The following MET variants were observed in gnomAD, a reference collection of about 807,000 sequenced individuals.
MET encodes hepatocyte growth factor receptor.
MET carries 48 observed loss-of-function variants against 133.1 expected under a neutral mutation model. That is an observed-to-expected ratio of 0.36 (90% CI 0.29 to 0.46). The LOEUF is 0.46. MET is among the 20% of genes least tolerant of loss of function. The pLI is 1.00. For missense variants in MET, 1,442 were observed against 1,695.9 expected (o/e 0.85, Z 2.63); for synonymous variants, 628 against 616.5 (o/e 1.02, Z -0.28).
intron 2 of MET, among the ~76,000 whole-genome samples, chr7:116,728,486 A>C (rs1196622812): frequency 2.0e-5 from 3 of 152,206 alleles, no homozygotes; most frequent in African/African-American, 7.2e-5. Context: ...ACAGAGGCTA[A>C]AGTTCTGGTT....
intron 1 of MET, among the ~76,000 whole-genome samples, chr7:116,686,398 C>G (rs1185569741): frequency 6.6e-6 from 1 of 152,186 alleles, no homozygotes; most frequent in Admixed American, 6.5e-5. Context: ...GAGCTACAAA[C>G]CTATCCCCAT....
chr7:116,692,973 A>G (rs970338725), intron 1 of MET, among the ~76,000 whole-genome samples: 10 of 152,224 alleles, frequency 6.6e-5, no homozygotes, highest in Admixed American at 6.5e-4. Flanking sequence ...AAGACAGTCT[A>G]TATTGAAAGC....
chr7:116,733,580 T>C (rs1484887472), intron 3 of MET, among the ~76,000 whole-genome samples: 1 of 152,210 alleles, frequency 6.6e-6, no homozygotes, highest in Non-Finnish European at 1.5e-5. Flanking sequence ...ATCAGTCTCA[T>C]TATAGAAACG....
chr7:116,738,661 G>T (rs1448783324), intron 3 of MET, among the ~76,000 whole-genome samples: 1 of 152,128 alleles, frequency 6.6e-6, no homozygotes, highest in African/African-American at 2.4e-5. Context: ...TGTGAGCTTG[G>T]TTAGTTTCTC....
chr7:116,756,474 A>G (rs1794180875), intron 6 of MET, among the ~76,000 whole-genome samples: 2 of 152,172 alleles, frequency 1.3e-5, no homozygotes, highest in Admixed American at 1.3e-4. Context: ...CTGAATGGCA[A>G]AACAAATTTT....
chr7:116,710,847 T>C (rs1311605781), intron 2 of MET, among the ~76,000 whole-genome samples: 2 of 152,228 alleles, frequency 1.3e-5, no homozygotes, highest in East Asian at 1.9e-4. Context: ...GATTATGAAA[T>C]ATTTGGAAAG....
At chr7:116,763,346 T>C in intron 11 of MET, 78 bp downstream of exon 11, 1 of 1,298,646 alleles carries the variant, frequency 7.7e-7, no homozygotes. Context: ...ATACAATTGT[T>C]GTACTTGGCC....
At position 116,672,518 on chromosome 7, in the gene MET, C is replaced by G; in HGVS notation, c.-74C>G. 1 of 397,730 alleles carries G rather than the reference C, an allele frequency of 2.5e-6. No homozygotes were observed. Among genetic ancestry groups the G allele is most frequent in the Admixed American group, 4.4e-5 (1 of 22,696 alleles). The allele number at this position is 397,730 out of a possible 1,614,324, so 24.6% of individuals were successfully genotyped here. On this transcript the variant is annotated 5_prime_UTR_variant, in exon 1 of 21. Coordinates refer to ENST00000397752, the MANE Select transcript of MET (RefSeq NM_000245.4). ...CTTGCTGAGAGGAGGCGGGGAGGCG[C>G]GGAGCGCGCGTGTGGTCCTTGCGCC...
intron 2 of MET, among the ~76,000 whole-genome samples, chr7:116,702,504 A>G (rs544251725): frequency 2.6e-5 from 4 of 152,234 alleles, no homozygotes; most frequent in African/African-American, 9.6e-5. Context: ...TCACACACAA[A>G]AAAAACAAAA....
At position 116,797,895 on chromosome 7, in the gene MET, G is replaced by A. The variant is rs1795723976; in HGVS notation, c.*1771G>A. Reference sequence around the variant, plus strand: ...TCAATAGTTGAGTTTGGCTGTTGTTGCAGGAAAATGATTATAACTAAAAGC... The same window carrying A: ...TCAATAGTTGAGTTTGGCTGTTGTTACAGGAAAATGATTATAACTAAAAGC... On this transcript the variant is annotated 3_prime_UTR_variant, in exon 21 of 21. Coordinates refer to ENST00000397752, the MANE Select transcript of MET (RefSeq NM_000245.4). The A allele has an allele frequency of 8.9e-6, 2 of 224,160 alleles. No individual in the cohort carries two copies. The highest frequency in any genetic ancestry group is 1.3e-4 in the East Asian group (2 of 15,476). 13.9% of individuals were successfully genotyped at this position (224,160 alleles called of 1,614,324 possible).
Position 116,757,482 on chromosome 7 carries a change from G to A in MET, c.1908G>A (p.Met636Ile). ...VGPAMNKHFN[M>I]SIIISNGHGT... ...CTGCCATGAATAAGCATTTCAATAT[G>A]TCCATAATTATTTCAAATGGCCACG... The change falls in exon 7 of 21, where the codon ATG becomes ATA. Residue 636 changes from methionine (M) to isoleucine (I), a missense_variant. Physicochemically the swap from Met to Ile is conservative, Grantham distance 10. Coordinates refer to ENST00000397752, the MANE Select transcript of MET (RefSeq NM_000245.4). The A allele has an allele frequency of 1.2e-6, 2 of 1,613,674 alleles. No individual in the cohort carries two copies. The highest frequency in any genetic ancestry group is 2.2e-5 in the South Asian group (2 of 91,062).
chr7:116,765,286 CAAAAAAAAAAA>C (rs754418396), intron 11 of MET, among the ~76,000 whole-genome samples: 2 of 31,876 alleles, frequency 6.3e-5, no homozygotes, highest in Admixed American at 3.7e-4. Context: ...GGAGACAGAG[CAAAAAAAAAAA>C]AAAAAAAAAA....
chr7:116,691,333 A>G (rs113467366), intron 1 of MET, among the ~76,000 whole-genome samples: 4 of 152,206 alleles, frequency 2.6e-5, no homozygotes, highest in Non-Finnish European at 5.9e-5. Context: ...GCAAAGTGAA[A>G]TATTTAAAGT....
At chr7:116,755,259 CTATT>C (rs1437609354) in intron 5 of MET, 92 bp from the exon 6 acceptor site, 19 of 1,341,922 alleles carry the variant, frequency 1.4e-5, no homozygotes, top group East Asian at 2.5e-5. Context: ...GAATTTCAGA[CTATT>C]TAAGGATATA....
intron 2 of MET, among the ~76,000 whole-genome samples, chr7:116,728,588 C>T (rs1454689300): frequency 6.6e-6 from 1 of 152,150 alleles, no homozygotes; most frequent in Non-Finnish European, 1.5e-5. Flanking sequence ...CTTCATTCTT[C>T]TGCTGGCCTG....
intron 17 of MET, among the ~76,000 whole-genome samples, chr7:116,780,332 A>G (rs1795119821): frequency 6.6e-6 from 1 of 152,164 alleles, no homozygotes; most frequent in Non-Finnish European, 1.5e-5. Flanking sequence ...CTTTATAAAT[A>G]TGGGGTCAAA....
At chr7:116,702,186 C>A (rs570386997) in intron 2 of MET, among the ~76,000 whole-genome samples, 1 of 152,188 alleles carries the variant, frequency 6.6e-6, no homozygotes. Context: ...ACTAGCCACA[C>A]CTGAAACCAT....
chr7:116,683,457 T>C (rs1031500566), intron 1 of MET, among the ~76,000 whole-genome samples: 1 of 152,206 alleles, frequency 6.6e-6, no homozygotes, highest in Non-Finnish European at 1.5e-5. Context: ...TTACTCAACT[T>C]ACTGATTCTT....
intron 3 of MET, among the ~76,000 whole-genome samples, chr7:116,735,332 A>G (rs924062304): frequency 2.6e-5 from 4 of 152,264 alleles, no homozygotes; most frequent in Admixed American, 1.3e-4. Context: ...AAGGAGGTAG[A>G]GATCACCTAA....
Sources: allele counts gnomAD v4.1 joint callset (sites outside exome capture counted in the v4.1 genomes callset), GRCh38; gene constraint gnomAD v4.1.1; transcripts MANE v1.5; gene names NCBI Gene and HGNC (gene_info 2026-07-23, HGNC 2026-07-21).